GABRG3: variants seen among roughly 807,000 people sequenced by gnomAD.
The protein encoded by GABRG3 is gamma-aminobutyric acid type A receptor subunit gamma3.
GABRG3 carries 25 observed loss-of-function variants against 48.8 expected under a neutral mutation model. That is an observed-to-expected ratio of 0.51 (90% CI 0.37 to 0.72). The LOEUF is 0.72. Among genes scored for constraint, GABRG3 ranks in the 30% least tolerant of loss-of-function variants. GABRG3 has a pLI of 0.00. For synonymous variants in GABRG3, 227 were observed against 217.6 expected, an observed-to-expected ratio of 1.04 and a Z score of -0.38; for missense variants, 394 against 577.9, an observed-to-expected ratio of 0.68 and a Z score of 3.26.
intron 5 of GABRG3, among the ~76,000 whole-genome samples, chr15:27,376,499 G>A (rs1026546073): frequency 6.6e-6 from 1 of 152,220 alleles, no homozygotes; most frequent in Non-Finnish European, 1.5e-5. Flanking sequence ...GCATCCAGGT[G>A]TTTCCATAGC....
At chr15:27,068,454 G>A (rs1246198121) in intron 3 of GABRG3, among the ~76,000 whole-genome samples, 2 of 152,260 alleles carry the variant, frequency 1.3e-5, no homozygotes, top group African/African-American at 2.4e-5. Flanking sequence ...GGAACTGTAT[G>A]GGTGGCAGCG....
chr15:27,388,230 GGAGGAGGGAGGGAGGAA>G (rs147706690), intron 5 of GABRG3, among the ~76,000 whole-genome samples: 5 of 44,130 alleles, frequency 1.1e-4, no homozygotes, highest in Admixed American at 7.6e-4. Flanking sequence ...GGAAGGAAAG[GGAGGAGGGAGGGAGGAA>G]AGGAAGGAAG....
intron 3 of GABRG3, among the ~76,000 whole-genome samples, chr15:27,273,474 A>G (rs1891153747): frequency 6.6e-6 from 1 of 152,238 alleles, no homozygotes; most frequent in Admixed American, 6.5e-5. Flanking sequence ...CATGTTCTGC[A>G]TGGTTGAAAC....
chr15:27,450,609 A>G (rs191582395), intron 5 of GABRG3, among the ~76,000 whole-genome samples: 5 of 152,226 alleles, frequency 3.3e-5, no homozygotes, highest in South Asian at 2.1e-4. Flanking sequence ...ATTACACTCA[A>G]TGGTGAAAGG....
At chr15:27,444,149 G>C (rs1888872764) in intron 5 of GABRG3, among the ~76,000 whole-genome samples, 1 of 152,148 alleles carries the variant, frequency 6.6e-6, no homozygotes, top group Non-Finnish European at 1.5e-5. Context: ...TTAACCTTCT[G>C]AGTGAAAGAA....
intron 3 of GABRG3, among the ~76,000 whole-genome samples, chr15:27,281,265 A>C (rs985648755): frequency 4.6e-5 from 7 of 152,080 alleles, no homozygotes; most frequent in African/African-American, 1.7e-4. Flanking sequence ...TATTTGGTGT[A>C]TTCAGATCAT....
intron 5 of GABRG3, among the ~76,000 whole-genome samples, chr15:27,381,214 C>T (rs1389650234): frequency 6.6e-6 from 1 of 152,188 alleles, no homozygotes; most frequent in African/African-American, 2.4e-5. Context: ...CTTTCTCCAA[C>T]TTGGTTTGGC....
At chr15:27,219,627 C>T (rs974409975) in intron 3 of GABRG3, among the ~76,000 whole-genome samples, 3 of 152,162 alleles carry the variant, frequency 2.0e-5, no homozygotes, top group Admixed American at 6.5e-5. Flanking sequence ...ACCTCTGTGC[C>T]CACCAGGCAG....
chr15:27,227,399 G>A (rs1253005410), intron 3 of GABRG3, among the ~76,000 whole-genome samples: 6 of 152,116 alleles, frequency 3.9e-5, no homozygotes, highest in African/African-American at 1.4e-4. Context: ...TTGGGAGGCT[G>A]AGGGGGGAGG....
intron 3 of GABRG3, among the ~76,000 whole-genome samples, chr15:27,308,185 CAT>C (rs1370165275): frequency 5.5e-5 from 4 of 72,882 alleles, no homozygotes; most frequent in African/African-American, 2.4e-4. Flanking sequence ...TATATCCAAA[CAT>C]ATATAAACAT....
At chr15:27,307,831 C>CATGTTTATATATAAAT (rs1555370136) in intron 3 of GABRG3, among the ~76,000 whole-genome samples, 5,080 of 107,650 alleles carry the variant, frequency 0.047, 446 homozygotes, top group African/African-American at 0.17. Flanking sequence ...TAAACATAAA[C>CATGTTTATATATAAAT]ATATATAAAA....
chr15:27,392,483 A>T, intron 5 of GABRG3, among the ~76,000 whole-genome samples: 1 of 152,240 alleles, frequency 6.6e-6, no homozygotes, highest in Non-Finnish European at 1.5e-5. Context: ...TAGGTCAAGT[A>T]CAGTTCTCAT....
At chr15:27,062,525 T>C (rs1056453202) in intron 3 of GABRG3, among the ~76,000 whole-genome samples, 28 of 150,972 alleles carry the variant, frequency 1.9e-4, no homozygotes, top group Admixed American at 1.3e-3. Flanking sequence ...GGAGAATCGC[T>C]TGAACCTGGG....
chr15:27,023,276 T>G (rs1895929473), intron 2 of GABRG3, among the ~76,000 whole-genome samples: 1 of 152,206 alleles, frequency 6.6e-6, no homozygotes, highest in Admixed American at 6.5e-5. Context: ...CATCTTTCTC[T>G]TGGCTACATA....
intron 6 of GABRG3, among the ~76,000 whole-genome samples, chr15:27,501,738 C>G (rs1004889164): frequency 2.6e-4 from 39 of 152,154 alleles, no homozygotes; most frequent in African/African-American, 8.9e-4. Flanking sequence ...GTATTTATAG[C>G]TGAGTCCAAG....
At chr15:27,335,459 A>G (rs1017901726) in intron 5 of GABRG3, among the ~76,000 whole-genome samples, 1 of 152,222 alleles carries the variant, frequency 6.6e-6, no homozygotes, top group Admixed American at 6.5e-5. Context: ...ATTGTAGCTC[A>G]TTATGATTTT....
chr15:27,295,960 G>A (rs368165744), intron 3 of GABRG3, among the ~76,000 whole-genome samples: 1 of 152,142 alleles, frequency 6.6e-6, no homozygotes, highest in African/African-American at 2.4e-5. Flanking sequence ...TGATCTTCTA[G>A]CCTTGCCTTT....
intron 3 of GABRG3, among the ~76,000 whole-genome samples, chr15:27,150,563 A>G (rs1898292054): frequency 6.6e-6 from 1 of 152,232 alleles, no homozygotes; most frequent in South Asian, 2.1e-4. Flanking sequence ...GTTCTTCTCT[A>G]GAGCACTCAC....
intron 3 of GABRG3, chr15:27,271,639 T>C (rs1390156959): frequency 4.4e-6 from 2 of 455,772 alleles, no homozygotes; most frequent in Admixed American, 4.7e-5. Flanking sequence ...AAGCTGTCTG[T>C]AAGTACCTAC....
Sources: allele counts gnomAD v4.1 joint callset (sites outside exome capture counted in the v4.1 genomes callset), GRCh38; gene constraint gnomAD v4.1.1; transcripts MANE v1.5; gene names NCBI Gene and HGNC (gene_info 2026-07-23, HGNC 2026-07-21).